The following ZNF175 variants were observed in gnomAD, a reference collection of about 807,000 sequenced individuals.
The protein encoded by ZNF175 is zinc finger protein 175.
Under a neutral mutation model 14.0 loss-of-function variants are expected in ZNF175, and 8 were observed. The observed-to-expected ratio is 0.57, with a 90% CI of 0.34 to 1.03. The LOEUF is 1.03. Among genes scored for constraint, ZNF175 ranks in the 50% least tolerant of loss-of-function variants. The probability of loss-of-function intolerance (pLI) is 0.03; values close to 1 mark genes in which losing one functional copy is unlikely to be tolerated. For missense variants in ZNF175, 764 were observed against 849.5 expected, an observed-to-expected ratio of 0.90 and a Z score of 1.25; for synonymous variants, 255 against 296.8, an observed-to-expected ratio of 0.86 and a Z score of 1.45.
At position 51,573,271 on chromosome 19, in the gene ZNF175, C is replaced by T; in HGVS notation, c.-59C>T. ...ATCCAAACACCTATCCAGCTTCTGGCTCCTGGGAAAAGTGGAGTTGTCAGC... is the reference window on the plus strand; with the variant it reads ...ATCCAAACACCTATCCAGCTTCTGGTTCCTGGGAAAAGTGGAGTTGTCAGC... On this transcript the variant is annotated 5_prime_UTR_variant, in exon 2 of 5. Transcript: ENST00000262259. The T allele has an allele frequency of 6.3e-7, 1 of 1,576,906 alleles. No individual in the cohort carries two copies. The highest frequency in any genetic ancestry group is 8.7e-7 in the Non-Finnish European group (1 of 1,148,536).
chr19:51,587,487 A>G lies in ZNF175; in HGVS notation c.1156A>G (p.Ser386Gly). Residue 386 changes from serine (S) to glycine (G), a missense_variant, in exon 5 of 5, where the codon AGT becomes GGT. Physicochemically the swap from Ser to Gly is moderately conservative, Grantham distance 56. Coordinates refer to ENST00000262259, the MANE Select transcript of ZNF175 (RefSeq NM_007147.4). ...LSLFRHQRTH[S>G]REKLYECSEC... Reference sequence around the variant, plus strand: ...TCTCTTCAGACATCAGAGAACTCACAGTAGAGAAAAACTCTATGAATGCAG... The same window carrying G: ...TCTCTTCAGACATCAGAGAACTCACGGTAGAGAAAAACTCTATGAATGCAG... The G allele has an allele frequency of 6.2e-7, 1 of 1,614,256 alleles. No individual in the cohort carries two copies. Among genetic ancestry groups the G allele is most frequent in the African/African-American group, 1.3e-5 (1 of 75,074 alleles).
intron 3 of ZNF175, 59 bp downstream of exon 3, chr19:51,581,576 C>T (rs769378418): frequency 6.3e-7 from 1 of 1,577,338 alleles, no homozygotes. Context: ...TTCCTTCCTC[C>T]TCATTGCAGA....
At chr19:51,585,069 T>A (rs1481937655) in intron 4 of ZNF175, among the ~76,000 whole-genome samples, 1 of 152,176 alleles carries the variant, frequency 6.6e-6, no homozygotes, top group Non-Finnish European at 1.5e-5. Flanking sequence ...ATCCAAAAAG[T>A]GGAATTGTCC....
At position 51,573,120 on chromosome 19, in the gene ZNF175, G is replaced by A. The variant is rs1981647419; in HGVS notation, c.-180-30G>A. 1.3e-5 allele frequency: 7 copies of A among 544,392 alleles called. No homozygotes were observed. The South Asian group carries it at 1.8e-4, about 14-fold the overall frequency. 33.7% of individuals were successfully genotyped at this position (544,392 alleles called of 1,614,324 possible). On this transcript the variant is annotated intron_variant, in intron 1 of 4. Transcript: ENST00000262259. ...AATATTTGTGGAGTGAATGTTGAAT[G>A]AGTGACCATGTACTCATTGCTTTTC...
chr19:51,573,293 C>T lies in ZNF175; in HGVS notation c.-37C>T, dbSNP rs1237160900. ...TGGCTCCTGGGAAAAGTGGAGTTGT[C>T]AGCAAGAGAGACCGAGAGTAGAAGC... On this transcript the variant is annotated 5_prime_UTR_variant, in exon 2 of 5. Transcript: ENST00000262259. 5 of 1,608,314 alleles carry T rather than the reference C, an allele frequency of 3.1e-6. No individual in the cohort carries two copies. In the African/African-American group the frequency reaches 4.0e-5, roughly 13 times the overall value.
rs534094716 is a variant in ZNF175 at position 51,585,123 on chromosome 19, A to G, written c.296-1504A>G. The stretch of plus-strand genomic sequence containing the variant: ...AAACAAAATGTGGTCTATACATACA[A>G]TGAAATATTATTCAGCCTTAAAAAG... On this transcript the variant is annotated intron_variant, in intron 4 of 4. Coordinates refer to ENST00000262259, the MANE Select transcript of ZNF175 (RefSeq NM_007147.4). Among the ~76,000 whole-genome samples the G allele has an allele frequency of 4.6e-5, 7 of 152,340 alleles. 1 individual carries two copies. The highest frequency in any genetic ancestry group is 1.7e-4 in the African/African-American group (7 of 41,576).
At position 51,589,261 on chromosome 19, in the gene ZNF175, T is replaced by C. The variant is rs1288418237; in HGVS notation, c.*794T>C. The C allele has an allele frequency of 1.2e-5, 5 of 411,952 alleles. No homozygotes were observed. The Admixed American group carries it at 2.1e-4, about 18-fold the overall frequency. 25.5% of individuals were successfully genotyped at this position (411,952 alleles called of 1,614,324 possible). ...GTATATGGTCTGGTCAGCATATGTG[T>C]ATGTATGCGTATGTATGTATGTATG... On this transcript the variant is annotated 3_prime_UTR_variant, in exon 5 of 5. Transcript: ENST00000262259.
intron 2 of ZNF175, among the ~76,000 whole-genome samples, chr19:51,576,157 T>G (rs1164972203): frequency 2.7e-5 from 4 of 150,874 alleles, no homozygotes; most frequent in Admixed American, 2.0e-4. Flanking sequence ...TTTTTGTTTT[T>G]TTTTTTTTTT....
In ZNF175 at chr19:51,581,497, A is replaced by T. The variant is rs1318125121; in HGVS notation, c.179A>T (p.Tyr60Phe). 1.8e-5 allele frequency: 29 copies of T among 1,613,778 alleles called. No individual in the cohort carries two copies. The highest frequency in any genetic ancestry group is 2.4e-5 in the Non-Finnish European group (28 of 1,179,844). The change falls in exon 3 of 5, where the codon TAT becomes TTT. Residue 60 changes from tyrosine to phenylalanine, a missense_variant. Tyr to Phe is a conservative substitution (Grantham distance 22, BLOSUM62 3). Coordinates refer to ENST00000262259, the MANE Select transcript of ZNF175 (RefSeq NM_007147.4). Reference sequence around the variant, plus strand: ...TACCGGGATGTGATGCTGGAGCTCTATAGCCATCTCTTCGCAGTGGGTGAG... The same window carrying T: ...TACCGGGATGTGATGCTGGAGCTCTTTAGCCATCTCTTCGCAGTGGGTGAG... Reference protein sequence around the residue: ...CLYRDVMLELYSHLFAVGYHI... With the variant: ...CLYRDVMLELFSHLFAVGYHI...
chr19:51,591,629 G>A lies in ZNF175; in HGVS notation c.*3162G>A, dbSNP rs547816190. 1.3e-5 allele frequency: 2 copies of A among 152,296 alleles called. No homozygotes were observed. Among genetic ancestry groups the A allele is most frequent in the African/African-American group, 4.8e-5 (2 of 41,558 alleles). 9.4% of individuals were successfully genotyped at this position (152,296 alleles called of 1,614,324 possible). ...ACCTCATAAACCCCATTTTAGAGAT[G>A]AGGAAACAGGCTTAGAGAATTTGAC... On this transcript the variant is annotated 3_prime_UTR_variant, in exon 5 of 5. Coordinates refer to ENST00000262259, the MANE Select transcript of ZNF175 (RefSeq NM_007147.4).
intron 2 of ZNF175, among the ~76,000 whole-genome samples, chr19:51,578,692 C>T (rs7256055): frequency 0.021 from 3,208 of 152,156 alleles, 118 homozygotes; most frequent in African/African-American, 0.073. Context: ...CACTTGAGCC[C>T]GGAGGTCGAG....
Position 51,588,734 on chromosome 19 carries a change from T to G in ZNF175, c.*267T>G, listed in dbSNP as rs1192850965. 2.3e-6 allele frequency: 1 copy of G among 430,556 alleles called. No individual in the cohort carries two copies. Among genetic ancestry groups the G allele is most frequent in the Non-Finnish European group, 4.1e-6 (1 of 245,982 alleles). The allele number at this position is 430,556 out of a possible 1,614,324, so 26.7% of individuals were successfully genotyped here. Reference sequence around the variant, plus strand: ...AAATTTTCTCCCCGGGAAGAAACCCTGACTAACGCATTGAGAAAAGCCTTT... The same window carrying G: ...AAATTTTCTCCCCGGGAAGAAACCCGGACTAACGCATTGAGAAAAGCCTTT... On this transcript the variant is annotated 3_prime_UTR_variant, in exon 5 of 5. Transcript: ENST00000262259.
In ZNF175 at chr19:51,589,880, CACAA is replaced by C. The variant is rs1293898207; in HGVS notation, c.*1417_*1420del. 1 of 476,306 alleles carries C rather than the reference CACAA, an allele frequency of 2.1e-6. No individual in the cohort carries two copies. Among genetic ancestry groups the C allele is most frequent in the East Asian group, 3.3e-5 (1 of 30,162 alleles). 29.5% of individuals were successfully genotyped at this position (476,306 alleles called of 1,614,324 possible). The stretch of plus-strand genomic sequence containing the variant: ...AATGTTTGCCAGCACATGATACACA[CACAA>C]ACACACACACATACACACATATTAC... On this transcript the variant is annotated 3_prime_UTR_variant, in exon 5 of 5. Coordinates refer to ENST00000262259, the MANE Select transcript of ZNF175 (RefSeq NM_007147.4).
intron 2 of ZNF175, 135 bp downstream of exon 2, chr19:51,573,536 A>C (rs1981667687): frequency 1.2e-5 from 9 of 754,070 alleles, no homozygotes; most frequent in Non-Finnish European, 2.0e-5. Context: ...TGATGTTTCC[A>C]CATTCATAGG....
chr19:51,573,432 C>G, intron 2 of ZNF175, 31 bp downstream of exon 2: 1 of 1,609,842 alleles, frequency 6.2e-7, no homozygotes, highest in Non-Finnish European at 8.5e-7. Context: ...GGATAGTTCT[C>G]CAGAACGTGA....
chr19:51,584,272 T>A (rs1432246083), intron 4 of ZNF175, among the ~76,000 whole-genome samples: 2 of 152,178 alleles, frequency 1.3e-5, no homozygotes, highest in African/African-American at 4.8e-5. Flanking sequence ...TTTAAGGGCA[T>A]AGTACCTATA....
At position 51,573,214 on chromosome 19, in the gene ZNF175, G is replaced by A; in HGVS notation, c.-116G>A. 1.0e-6 allele frequency: 1 copy of A among 965,002 alleles called. No homozygotes were observed. Among genetic ancestry groups the A allele is most frequent in the Admixed American group, 1.9e-5 (1 of 52,506 alleles). 59.8% of individuals were successfully genotyped at this position (965,002 alleles called of 1,614,324 possible). A position where few individuals can be genotyped will look rare whatever the true frequency, so the allele number is the denominator to read the frequency against. On this transcript the variant is annotated 5_prime_UTR_variant, in exon 2 of 5. Transcript: ENST00000262259. ...CTGCAGGATCTCTCTTCATAGCCCA[G>A]TACGACTCTCCGCCGTGTCCCTGGT...
In ZNF175 at chr19:51,587,296, T is replaced by G; in HGVS notation, c.965T>G (p.Leu322Arg). The part of the protein sequence containing the change: ...CGKAFMPQLK[L>R]SVYLTDHTGD... ...AAAGCCTTCATGCCACAACTAAAAC[T>G]CAGTGTATATCTGACAGATCATACA... The change falls in exon 5 of 5, where the codon CTC becomes CGC. Residue 322 changes from leucine (L) to arginine (R), a missense_variant. Leu to Arg is a moderately radical substitution (Grantham distance 102, BLOSUM62 -2). Coordinates refer to ENST00000262259, the MANE Select transcript of ZNF175 (RefSeq NM_007147.4). 6.2e-7 allele frequency: 1 copy of G among 1,614,134 alleles called. No individual in the cohort carries two copies. The highest frequency in any genetic ancestry group is 8.5e-7 in the Non-Finnish European group (1 of 1,180,018).
At chr19:51,581,344 C>T (rs763555341) in intron 2 of ZNF175, 47 bp from the exon 3 acceptor site, 22 of 1,613,852 alleles carry the variant, frequency 1.4e-5, no homozygotes, top group South Asian at 1.1e-5. Context: ...CATCCCCACT[C>T]GCCAATGATG....
Sources: gnomAD v4.1 joint callset for allele counts (sites outside exome capture counted in the v4.1 genomes callset) on GRCh38, gnomAD v4.1.1 for gene constraint, MANE v1.5 for transcripts, NCBI Gene and HGNC (gene_info 2026-07-23, HGNC 2026-07-21) for gene names.